STIMATE: variants seen among roughly 807,000 people sequenced by gnomAD.
The protein encoded by STIMATE is store-operated calcium entry regulator STIMATE.
In STIMATE, 15 loss-of-function variants were observed where a neutral mutation model predicts 36.7. The ratio of observed to expected loss-of-function variants is 0.41; its 90% CI spans 0.27 to 0.63. STIMATE has a LOEUF of 0.63. Ranked by LOEUF, STIMATE falls within the 20% of genes least tolerant of loss-of-function variation. STIMATE has a pLI of 0.32. For missense variants in STIMATE, 305 were observed against 397.3 expected (o/e 0.77, Z 1.98); for synonymous variants, 163 against 162.3 (o/e 1.00, Z -0.03).
intron 6 of STIMATE, 74 bp from the exon 7 acceptor site, chr3:52,843,034 C>T (rs1700829530): frequency 6.3e-7 from 1 of 1,595,452 alleles, no homozygotes; most frequent in African/African-American, 1.3e-5. Context: ...CCCCCATCCG[C>T]CCACTCCCAT....
rs374222070 is a variant in STIMATE, at chr3:52,895,019, A to C, written c.160+2272T>G. On this transcript the variant is annotated intron_variant, in intron 1 of 7. Coordinates refer to ENST00000355083, the MANE Select transcript of STIMATE (RefSeq NM_198563.5). ...CTGCGAGGGGGACCCTCGTCAGGGG[A>C]GCCTGGCCTTCAACAGATGCCCCTC... 3.9e-5 allele frequency among the ~76,000 whole-genome samples: 6 copies of C among 152,352 alleles called. 1 individual carries two copies. The highest frequency in any genetic ancestry group is 3.9e-4 in the Admixed American group (6 of 15,304).
chr3:52,861,050 G>T (rs1481626323), intron 1 of STIMATE, among the ~76,000 whole-genome samples: 2 of 152,232 alleles, frequency 1.3e-5, no homozygotes, highest in African/African-American at 4.8e-5. Flanking sequence ...TGCTTTGCAG[G>T]ATGGAGGGGA....
chr3:52,883,704 A>T (rs1701646522), intron 1 of STIMATE, among the ~76,000 whole-genome samples: 1 of 152,096 alleles, frequency 6.6e-6, no homozygotes, highest in African/African-American at 2.4e-5. Flanking sequence ...CTATTCTTTC[A>T]TAGTTTAATT....
chr3:52,844,145 T>G (rs1386443542), intron 5 of STIMATE, among the ~76,000 whole-genome samples: 1 of 152,014 alleles, frequency 6.6e-6, no homozygotes, highest in Non-Finnish European at 1.5e-5. Context: ...GGATGCTCAT[T>G]ATAGACACCA....
chr3:52,842,745 G>C (rs1360986046), intron 7 of STIMATE, 66 bp downstream of exon 7: 12 of 1,605,108 alleles, frequency 7.5e-6, no homozygotes, highest in Non-Finnish European at 8.5e-6. Flanking sequence ...ACAGACATGA[G>C]ACCAGAGACC....
chr3:52,890,826 C>T (rs1179100380), intron 1 of STIMATE, among the ~76,000 whole-genome samples: 1 of 152,224 alleles, frequency 6.6e-6, no homozygotes, highest in East Asian at 1.9e-4. Context: ...CAGACCCTTC[C>T]TCACCAGCGA....
At chr3:52,880,225 G>A (rs1701579436) in intron 1 of STIMATE, among the ~76,000 whole-genome samples, 1 of 152,158 alleles carries the variant, frequency 6.6e-6, no homozygotes, top group South Asian at 2.1e-4. Flanking sequence ...TGCATCAAGA[G>A]AGTCCCAATC....
At chr3:52,862,318 C>G (rs1331178544) in intron 1 of STIMATE, among the ~76,000 whole-genome samples, 1 of 152,204 alleles carries the variant, frequency 6.6e-6, no homozygotes, top group Non-Finnish European at 1.5e-5. Context: ...AGACTGCCTC[C>G]TAACAGGCTT....
At chr3:52,865,548 A>G (rs1701291799) in intron 1 of STIMATE, among the ~76,000 whole-genome samples, 1 of 152,214 alleles carries the variant, frequency 6.6e-6, no homozygotes, top group African/African-American at 2.4e-5. Context: ...CATGAGGAAA[A>G]TGCAAAAGCA....
intron 1 of STIMATE, among the ~76,000 whole-genome samples, chr3:52,870,043 C>CT (rs1701376139): frequency 6.6e-6 from 1 of 152,028 alleles, no homozygotes; most frequent in South Asian, 2.1e-4. Context: ...AAGAGTAAAT[C>CT]TTTAAGCACG....
chr3:52,881,417 A>G (rs562545135), intron 1 of STIMATE, among the ~76,000 whole-genome samples: 132 of 152,178 alleles, frequency 8.7e-4, no homozygotes, highest in Non-Finnish European at 1.5e-3. Context: ...TCAAGAACTC[A>G]GGAGGGCTGG....
chr3:52,884,294 G>A (rs1295514539), intron 1 of STIMATE, among the ~76,000 whole-genome samples: 1 of 146,420 alleles, frequency 6.8e-6, no homozygotes, highest in Non-Finnish European at 1.5e-5. Context: ...CGCCCATGCT[G>A]GAGGGCAGTG....
At chr3:52,894,216 A>G (rs749681699) in intron 1 of STIMATE, among the ~76,000 whole-genome samples, 3 of 152,200 alleles carry the variant, frequency 2.0e-5, no homozygotes, top group Non-Finnish European at 2.9e-5. Context: ...CTTGTCTCTG[A>G]GTATGTTCAT....
intron 1 of STIMATE, among the ~76,000 whole-genome samples, chr3:52,871,505 C>A (rs1701406767): frequency 6.6e-6 from 1 of 152,210 alleles, no homozygotes; most frequent in Admixed American, 6.5e-5. Flanking sequence ...CTAGCCTCCC[C>A]CTGTGGCAGG....
At chr3:52,858,978 G>A (rs1241129173) in intron 1 of STIMATE, among the ~76,000 whole-genome samples, 2 of 151,908 alleles carry the variant, frequency 1.3e-5, no homozygotes, top group Non-Finnish European at 2.9e-5. Flanking sequence ...GGTCAACAAG[G>A]CAAAACCCCA....
intron 6 of STIMATE, 106 bp downstream of exon 6, chr3:52,843,615 A>G: frequency 6.8e-7 from 1 of 1,477,736 alleles, no homozygotes. Context: ...GGTCACGCAA[A>G]AAGACCTGAG....
At chr3:52,847,559 C>A (rs1198253004) in intron 4 of STIMATE, 1 of 1,289,436 alleles carries the variant, frequency 7.8e-7, no homozygotes, top group Non-Finnish European at 1.0e-6. Context: ...CTTCTAGGAA[C>A]AAAAGACACA....
intron 1 of STIMATE, among the ~76,000 whole-genome samples, chr3:52,860,603 C>T (rs143113836): frequency 0.015 from 2,324 of 152,134 alleles, 53 homozygotes; most frequent in African/African-American, 0.053. Context: ...TGAGAGCAGC[C>T]CACAGGGATG....
intron 5 of STIMATE, 54 bp from the exon 6 acceptor site, chr3:52,843,852 T>C: frequency 8.4e-7 from 1 of 1,194,808 alleles, no homozygotes; most frequent in Non-Finnish European, 1.2e-6. Context: ...AGAGTGTGCC[T>C]GGGGTGGGTG....
Sources: gnomAD v4.1 joint callset for allele counts (sites outside exome capture counted in the v4.1 genomes callset) on GRCh38, gnomAD v4.1.1 for gene constraint, MANE v1.5 for transcripts, NCBI Gene and HGNC (gene_info 2026-07-23, HGNC 2026-07-21) for gene names.